SOX6: variants seen among roughly 807,000 people sequenced by gnomAD.
The protein encoded by SOX6 is transcription factor SOX-6.
Under a neutral mutation model 97.8 loss-of-function variants are expected in SOX6, and 11 were observed. That is an observed-to-expected ratio of 0.11 (90% CI 0.07 to 0.19). The LOEUF (loss-of-function observed/expected upper bound fraction) is 0.19. Ranked by LOEUF, SOX6 falls within the 10% of genes least tolerant of loss-of-function variation. The pLI is 1.00. For missense variants in SOX6, 810 were observed against 1,039.5 expected (o/e 0.78, Z 3.04); for synonymous variants, 360 against 371.4 (o/e 0.97, Z 0.35).
At chr11:16,270,045 A>G (rs1283363550) in intron 3 of SOX6, 1 of 151,344 alleles carries the variant, frequency 6.6e-6, no homozygotes, top group East Asian at 1.9e-4. Context: ...TAAGTTGTAC[A>G]CTTTAGAACT....
intron 4 of SOX6, among the ~76,000 whole-genome samples, chr11:16,587,437 T>A (rs1848106800): frequency 6.6e-6 from 1 of 152,214 alleles, no homozygotes; most frequent in African/African-American, 2.4e-5. Flanking sequence ...TCCAAGTGTA[T>A]TAGCTTAATA....
Position 16,469,046 on chromosome 11 carries a change from A to G in SOX6, c.-5+7269T>C, listed in dbSNP as rs74812826. On this transcript the variant is annotated intron_variant, in intron 1 of 15. Coordinates refer to the SOX6 transcript ENST00000396356. Reference sequence around the variant, plus strand: ...CACAATATGTAGTAAGCAACATGGAAGAATAAAGAACAGAGGAACTTGGTA... The same window carrying G: ...CACAATATGTAGTAAGCAACATGGAGGAATAAAGAACAGAGGAACTTGGTA... Among the ~76,000 whole-genome samples the G allele has an allele frequency of 1.9e-3, 287 of 152,196 alleles. 5 individuals carry two copies. The East Asian group carries it at 0.03, about 16-fold the overall frequency.
chr11:16,050,608 A>C (rs16932493), intron 10 of SOX6, among the ~76,000 whole-genome samples: 1,842 of 152,314 alleles, frequency 0.012, 36 homozygotes, highest in African/African-American at 0.041. Context: ...TTTCATGTTT[A>C]AAGTGATGTT....
intron 4 of SOX6, among the ~76,000 whole-genome samples, chr11:16,487,359 A>G (rs896123438): frequency 6.6e-6 from 1 of 152,200 alleles, no homozygotes; most frequent in Non-Finnish European, 1.5e-5. Flanking sequence ...GATGAATGGC[A>G]TGAATAGGAA....
chr11:16,390,113 C>T (rs893060595), intron 1 of SOX6, among the ~76,000 whole-genome samples: 2 of 151,208 alleles, frequency 1.3e-5, no homozygotes, highest in Non-Finnish European at 2.9e-5. Context: ...CAATCCTGTT[C>T]GTGGATGGTT....
chr11:16,661,182 C>G (rs1309789120), intron 3 of SOX6, among the ~76,000 whole-genome samples: 1 of 152,180 alleles, frequency 6.6e-6, no homozygotes, highest in Non-Finnish European at 1.5e-5. Flanking sequence ...CAGACTGACC[C>G]AGTTATCATG....
chr11:16,586,756 CA>C (rs1190007483), intron 4 of SOX6, among the ~76,000 whole-genome samples: 1 of 152,146 alleles, frequency 6.6e-6, no homozygotes, highest in Non-Finnish European at 1.5e-5. Context: ...AATGGGTTAT[CA>C]AATAGAAATG....
At chr11:16,011,243 C>T (rs1253934159) in intron 13 of SOX6, among the ~76,000 whole-genome samples, 2 of 152,066 alleles carry the variant, frequency 1.3e-5, no homozygotes, top group African/African-American at 2.4e-5. Flanking sequence ...TAATCAAGCC[C>T]TCTCTTCCTT....
intron 2 of SOX6, among the ~76,000 whole-genome samples, chr11:16,325,622 A>C (rs1259557510): frequency 6.6e-6 from 1 of 152,168 alleles, no homozygotes; most frequent in Non-Finnish European, 1.5e-5. Context: ...AAAAATAAAC[A>C]AGATTTCTTT....
chr11:16,193,558 T>C (rs1193860173), intron 4 of SOX6, among the ~76,000 whole-genome samples: 1 of 152,136 alleles, frequency 6.6e-6, no homozygotes, highest in Non-Finnish European at 1.5e-5. Flanking sequence ...TTAATGAAAT[T>C]ATAAGAAACC....
chr11:15,972,674 A>C lies in SOX6; in HGVS notation c.*135T>G, dbSNP rs535917068. On this transcript the variant is annotated 3_prime_UTR_variant, in exon 16 of 16. Transcript: ENST00000683767. ...AATCAGGGAAAACTTAATCTGTCTC[A>C]CACTTTACGAAACAATTAAGACCAT... is the stretch of plus-strand genomic sequence containing the variant. 2.5e-5 allele frequency: 24 copies of C among 941,514 alleles called. No homozygotes were observed. The highest frequency in any genetic ancestry group is 9.9e-5 in the African/African-American group (6 of 60,692). 58.3% of individuals were successfully genotyped at this position (941,514 alleles called of 1,614,324 possible).
At chr11:16,118,504 A>ATGC (rs1564964135) in intron 6 of SOX6, among the ~76,000 whole-genome samples, 1 of 152,220 alleles carries the variant, frequency 6.6e-6, no homozygotes, top group East Asian at 1.9e-4. Flanking sequence ...GTTGTTGATG[A>ATGC]TGCCATTTTT....
At chr11:16,435,841 T>C (rs964611667) in intron 1 of SOX6, among the ~76,000 whole-genome samples, 2 of 152,078 alleles carry the variant, frequency 1.3e-5, no homozygotes, top group Non-Finnish European at 2.9e-5. Context: ...CTGGTTGCTT[T>C]CCCACTGTTT....
At chr11:16,624,519 C>T (rs1165171417) in intron 3 of SOX6, among the ~76,000 whole-genome samples, 1 of 152,052 alleles carries the variant, frequency 6.6e-6, no homozygotes, top group East Asian at 1.9e-4. Flanking sequence ...TATATATGAC[C>T]ATTTATTTAT....
chr11:15,979,761 T>C (rs1333482331), intron 15 of SOX6, among the ~76,000 whole-genome samples: 1 of 152,000 alleles, frequency 6.6e-6, no homozygotes, highest in East Asian at 1.9e-4. Context: ...CCTTCCCTAC[T>C]GAGGCCTTTG....
intron 9 of SOX6, among the ~76,000 whole-genome samples, chr11:16,076,794 C>A (rs1042148201): frequency 0.011 from 1,546 of 142,278 alleles, 25 homozygotes; most frequent in African/African-American, 0.039. Context: ...TCGCCCAGGC[C>A]GGACTGCGGA....
At chr11:16,600,077 T>C (rs1848251408) in intron 4 of SOX6, among the ~76,000 whole-genome samples, 1 of 152,220 alleles carries the variant, frequency 6.6e-6, no homozygotes, top group South Asian at 2.1e-4. Context: ...TACAAAATTA[T>C]AAGTGTATTT....
intron 4 of SOX6, among the ~76,000 whole-genome samples, chr11:16,519,661 A>C (rs1861026892): frequency 6.6e-6 from 1 of 152,192 alleles, no homozygotes; most frequent in Non-Finnish European, 1.5e-5. Context: ...TGCAGTAAAC[A>C]GATGAGTACA....
At chr11:16,494,096 G>A (rs1411705170) in intron 4 of SOX6, among the ~76,000 whole-genome samples, 1 of 152,152 alleles carries the variant, frequency 6.6e-6, no homozygotes, top group Non-Finnish European at 1.5e-5. Flanking sequence ...GAAATGAGAG[G>A]CCAGGCACTG....
Sources: gnomAD v4.1 joint callset for allele counts (sites outside exome capture counted in the v4.1 genomes callset) on GRCh38, gnomAD v4.1.1 for gene constraint, MANE v1.5 for transcripts, NCBI Gene and HGNC (gene_info 2026-07-23, HGNC 2026-07-21) for gene names.